FBN2: variants seen among roughly 807,000 people sequenced by gnomAD.
FBN2 encodes fibrillin 2.
In FBN2, 105 loss-of-function variants were observed where a neutral mutation model predicts 355.6. The ratio of observed to expected loss-of-function variants is 0.30; its 90% CI spans 0.25 to 0.35. The LOEUF (loss-of-function observed/expected upper bound fraction) is 0.35. FBN2 is among the 10% of genes least tolerant of loss of function. The pLI is 1.00. For missense variants in FBN2, 3,280 were observed against 3,758.7 expected (o/e 0.87, Z 3.33); for synonymous variants, 1,350 against 1,301.2 (o/e 1.04, Z -0.81).
At chr5:128,340,542 A>C (rs1750985851) in intron 25 of FBN2, among the ~76,000 whole-genome samples, 1 of 152,076 alleles carries the variant, frequency 6.6e-6, no homozygotes, top group Non-Finnish European at 1.5e-5. Context: ...TCATATGAGG[A>C]ATGTGTTCTA....
intron 60 of FBN2, 120 bp downstream of exon 60, chr5:128,274,447 T>A (rs1370933124): frequency 9.7e-6 from 7 of 718,978 alleles, no homozygotes; most frequent in Middle Eastern, 3.4e-4. Context: ...AGACCACAAA[T>A]TATGGGGTAT....
intron 11 of FBN2, among the ~76,000 whole-genome samples, chr5:128,385,157 C>T (rs1322696644): frequency 6.6e-6 from 1 of 151,946 alleles, no homozygotes; most frequent in Non-Finnish European, 1.5e-5. Context: ...ATTTCATCAC[C>T]CATGTAATAA....
Position 128,408,722 on chromosome 5 carries a change from C to A in FBN2, c.1030G>T (p.Val344Phe), listed in dbSNP as rs1351006642. The part of the protein sequence containing the change: ...CSNTVGSYFC[V>F]CPRGYVTSTD... ...GAGGTTACATATCCACGTGGACAAA[C>A]ACAAAAATAGCTTCCCACGGTGTTG... Residue 344 changes from valine to phenylalanine, a missense_variant, in exon 8 of 65, where the codon GTT (valine) becomes TTT (phenylalanine). By Grantham distance (50) the Val-to-Phe change is conservative (BLOSUM62 -1). Transcript: ENST00000262464. 4 of 1,614,002 alleles carry A rather than the reference C, an allele frequency of 2.5e-6. No individual in the cohort carries two copies. Among genetic ancestry groups the A allele is most frequent in the Non-Finnish European group, 3.4e-6 (4 of 1,179,936 alleles).
At chr5:128,284,763 C>A (rs1282417099) in intron 55 of FBN2, among the ~76,000 whole-genome samples, 1 of 152,200 alleles carries the variant, frequency 6.6e-6, no homozygotes, top group Non-Finnish European at 1.5e-5. Flanking sequence ...TCCTGCCTCA[C>A]CTCCGGCAGT....
chr5:128,298,840 C>T (rs1392609284), intron 48 of FBN2, among the ~76,000 whole-genome samples: 1 of 152,214 alleles, frequency 6.6e-6, no homozygotes, highest in Non-Finnish European at 1.5e-5. Flanking sequence ...CTCAGCTCGT[C>T]AAAGTTATTC....
At chr5:128,330,778 T>A in intron 32 of FBN2, 83 bp from the exon 33 acceptor site, 13 of 1,452,120 alleles carry the variant, frequency 9.0e-6, no homozygotes, top group Non-Finnish European at 1.3e-5. Context: ...TTAATTTACA[T>A]ATAAACTGGA....
intron 54 of FBN2, 124 bp from the exon 55 acceptor site, chr5:128,286,973 C>A (rs1749170057): frequency 8.1e-6 from 8 of 982,024 alleles, no homozygotes; most frequent in Non-Finnish European, 1.2e-5. Flanking sequence ...AAAGGAGAAG[C>A]CCAGCCATTG....
At chr5:128,520,579 T>C (rs1210527288) in intron 4 of FBN2, among the ~76,000 whole-genome samples, 1 of 152,170 alleles carries the variant, frequency 6.6e-6, no homozygotes, top group Non-Finnish European at 1.5e-5. Flanking sequence ...AATGCTGCTA[T>C]TTCCTTATCA....
intron 5 of FBN2, among the ~76,000 whole-genome samples, chr5:128,469,077 G>T (rs1754787222): frequency 6.6e-6 from 1 of 152,138 alleles, no homozygotes; most frequent in Non-Finnish European, 1.5e-5. Flanking sequence ...CTCTGGAGAT[G>T]TAACAGTGAG....
chr5:128,345,392 C>G lies in FBN2; in HGVS notation c.3182G>C (p.Arg1061Pro). 1.2e-6 allele frequency: 2 copies of G among 1,614,164 alleles called. No individual in the cohort carries two copies. Among genetic ancestry groups the G allele is most frequent in the Non-Finnish European group, 1.7e-6 (2 of 1,180,014 alleles). Residue 1061 changes from arginine to proline, a missense_variant, in exon 24 of 65, where the codon CGA becomes CCA. By Grantham distance (103) the Arg-to-Pro change is moderately radical. This residue lies in a region of FBN2 where 2,284 missense variants were observed against 2,749.5 expected (regional missense o/e 0.83). Coordinates refer to ENST00000262464, the MANE Select transcript of FBN2 (RefSeq NM_001999.4). ...TGGCCGCCCAGTAAGAACATCCCCT[C>G]GGTTAGCAAAGCCAGCCCCGCGGGG... ...LCPRGAGFAN[R>P]GDVLTGRPFY... is the part of the protein sequence containing the mutation.
At chr5:128,364,943 A>G (rs1751728004) in intron 17 of FBN2, among the ~76,000 whole-genome samples, 1 of 152,206 alleles carries the variant, frequency 6.6e-6, no homozygotes, top group Non-Finnish European at 1.5e-5. Context: ...AGAAAAATGA[A>G]AGACGCTGGC....
At chr5:128,418,598 T>C (rs933397372) in intron 7 of FBN2, among the ~76,000 whole-genome samples, 4 of 152,192 alleles carry the variant, frequency 2.6e-5, no homozygotes, top group African/African-American at 7.2e-5. Context: ...CCTTTCTTCA[T>C]TGACCCATTG....
rs202226541 is a variant in FBN2, at chr5:128,345,562, G to A, written c.3012C>T (p.Tyr1004=). 2 of 1,612,128 alleles carry A rather than the reference G, an allele frequency of 1.2e-6. No individual in the cohort carries two copies. Among genetic ancestry groups the A allele is most frequent in the Non-Finnish European group, 1.7e-6 (2 of 1,179,032 alleles). ...VCLDIRMEQC[Y]LKWDEDECIH... The stretch of plus-strand genomic sequence containing the variant: ...TGCATTCATCTTCATCCCACTTCAA[G>A]TAACACTGCTCCATGCGAATATCTA... The change falls in exon 24 of 65, where the codon TAC becomes TAT. Residue 1004 remains tyrosine, a synonymous_variant. Transcript: ENST00000262464.
At chr5:128,297,969 T>A (rs1244240267) in intron 48 of FBN2, among the ~76,000 whole-genome samples, 1 of 151,688 alleles carries the variant, frequency 6.6e-6, no homozygotes, top group Non-Finnish European at 1.5e-5. Context: ...TTGCAGCGGC[T>A]GGTACCGGTT....
Position 128,537,489 on chromosome 5 carries a change from G to C in FBN2, c.115C>G (p.Arg39Gly), listed in dbSNP as rs763202121. 1.3e-5 allele frequency: 20 copies of C among 1,587,782 alleles called. No homozygotes were observed. The highest frequency in any genetic ancestry group is 1.7e-5 in the Non-Finnish European group (20 of 1,169,708). The stretch of plus-strand genomic sequence containing the variant: ...ACCTGTTGCGGCGGCGGCTGGGGCC[G>C]GGGCGGCTTGGGCGGAGGAGGCTGA... ...QPQPPPPKPP[R>G]PQPPPQQVRS... The change falls in exon 1 of 65, where the codon CGG becomes GGG. Residue 39 changes from arginine (R) to glycine (G), a missense_variant. Around this residue, in one of 6 missense-constraint regions of FBN2, gnomAD observed 203 missense variants for 142.2 expected, o/e 1.43. Transcript: ENST00000262464.
intron 8 of FBN2, among the ~76,000 whole-genome samples, chr5:128,401,775 G>A (rs1293077052): frequency 2.6e-5 from 4 of 152,000 alleles, no homozygotes; most frequent in East Asian, 1.9e-4. Flanking sequence ...GCAAGATTCC[G>A]TCTCAAAGAA....
At chr5:128,518,697 T>C (rs1340183247) in intron 5 of FBN2, among the ~76,000 whole-genome samples, 3 of 152,140 alleles carry the variant, frequency 2.0e-5, no homozygotes, top group Non-Finnish European at 2.9e-5. Flanking sequence ...GAAACATGTT[T>C]CCTTAGTGAC....
intron 7 of FBN2, among the ~76,000 whole-genome samples, chr5:128,416,942 A>T (rs575298686): frequency 3.9e-5 from 6 of 152,274 alleles, no homozygotes; most frequent in African/African-American, 1.4e-4. Context: ...TGTTTTGGGT[A>T]ATATAATCAT....
chr5:128,436,645 C>T lies in FBN2; in HGVS notation c.952+9836G>A, dbSNP rs1417253621. ...GAAAAAGTCAAAAAAGGCTTTGATT[C>T]TTAAACCCAGTGGCTCCACTTAAAA... On this transcript the variant is annotated intron_variant, in intron 7 of 64. Coordinates refer to ENST00000262464, the MANE Select transcript of FBN2 (RefSeq NM_001999.4). Among the ~76,000 whole-genome samples, 3 of 145,622 alleles carry T rather than the reference C, an allele frequency of 2.1e-5. No individual in the cohort carries two copies. The East Asian group carries it at 6.0e-4, about 29-fold the overall frequency.
Sources: allele counts gnomAD v4.1 joint callset (sites outside exome capture counted in the v4.1 genomes callset), GRCh38; gene constraint gnomAD v4.1.1; regional missense constraint gnomAD v4.1.1; transcripts MANE v1.5; gene names NCBI Gene and HGNC (gene_info 2026-07-23, HGNC 2026-07-21).